The following RBFOX1 variants were observed in gnomAD, a reference collection of about 807,000 sequenced individuals.
RBFOX1 encodes the protein RNA binding protein fox-1 homolog 1.
In RBFOX1, 8 loss-of-function variants were observed where a neutral mutation model predicts 57.7. That is an observed-to-expected ratio of 0.14 (90% confidence interval 0.08 to 0.25). The LOEUF (loss-of-function observed/expected upper bound fraction) is 0.25. Ranked by LOEUF, RBFOX1 falls within the 10% of genes least tolerant of loss-of-function variation. The pLI is 1.00. For missense variants in RBFOX1, 611 were observed against 548.5 expected (o/e 1.11, Z -1.14); for synonymous variants, 326 against 222.4 (o/e 1.47, Z -4.15).
At chr16:6,891,009 G>A (rs2065284091) in intron 3 of RBFOX1, among the ~76,000 whole-genome samples, 1 of 152,142 alleles carries the variant, frequency 6.6e-6, no homozygotes, top group Admixed American at 6.5e-5. Context: ...CTTCAACACT[G>A]TGAACGTTTT....
intron 1 of RBFOX1, among the ~76,000 whole-genome samples, chr16:6,047,767 A>G (rs2095510701): frequency 1.3e-5 from 2 of 152,170 alleles, no homozygotes; most frequent in South Asian, 4.1e-4. Context: ...GACTTGTTTT[A>G]AAGGTTTTTC....
chr16:6,619,178 A>C (rs2098188687), intron 2 of RBFOX1, among the ~76,000 whole-genome samples: 1 of 152,116 alleles, frequency 6.6e-6, no homozygotes, highest in African/African-American at 2.4e-5. Context: ...AGAAAAAAAA[A>C]AACAACTTCT....
chr16:6,675,192 C>T (rs1022306884), intron 3 of RBFOX1, among the ~76,000 whole-genome samples: 1 of 152,202 alleles, frequency 6.6e-6, no homozygotes, highest in African/African-American at 2.4e-5. Context: ...GCATAAGCCA[C>T]TGCGCCCGGC....
intron 4 of RBFOX1, among the ~76,000 whole-genome samples, chr16:6,000,959 G>T (rs1322546990): frequency 6.6e-6 from 1 of 151,742 alleles, no homozygotes; most frequent in Non-Finnish European, 1.5e-5. Context: ...ATGAATGAGT[G>T]GGTAGATGAG....
intron 4 of RBFOX1, among the ~76,000 whole-genome samples, chr16:7,463,927 A>AT (rs1238373412): frequency 6.6e-6 from 1 of 152,184 alleles, no homozygotes; most frequent in Admixed American, 6.5e-5. Context: ...TTACATGTAT[A>AT]TTTTTTAAAA....
chr16:6,683,034 G>T (rs185469207), intron 3 of RBFOX1, among the ~76,000 whole-genome samples: 1 of 152,036 alleles, frequency 6.6e-6, no homozygotes, highest in Non-Finnish European at 1.5e-5. Flanking sequence ...CCATCCATAT[G>T]ACCCTGCTTT....
chr16:6,804,058 G>A (rs2086128406), intron 3 of RBFOX1, among the ~76,000 whole-genome samples: 1 of 151,812 alleles, frequency 6.6e-6, no homozygotes, highest in Non-Finnish European at 1.5e-5. Flanking sequence ...CCTGGCTAGA[G>A]TGCAATGACA....
At chr16:5,855,406 G>T (rs1262766084) in intron 3 of RBFOX1, among the ~76,000 whole-genome samples, 1 of 152,144 alleles carries the variant, frequency 6.6e-6, no homozygotes, top group African/African-American at 2.4e-5. Flanking sequence ...TGTATATAGT[G>T]TGAAATAAGG....
At chr16:5,926,302 T>G (rs543997656) in intron 4 of RBFOX1, among the ~76,000 whole-genome samples, 70 of 152,330 alleles carry the variant, frequency 4.6e-4, no homozygotes, top group African/African-American at 1.6e-3. Flanking sequence ...CTGGAAATCC[T>G]ATGTGTAAAA....
intron 3 of RBFOX1, among the ~76,000 whole-genome samples, chr16:6,727,592 G>T (rs1258852553): frequency 6.6e-6 from 1 of 152,018 alleles, no homozygotes; most frequent in African/African-American, 2.4e-5. Context: ...CTTGAGTGGA[G>T]TTGTGCCGCC....
chr16:6,949,860 G>A (rs1002528999), intron 3 of RBFOX1, among the ~76,000 whole-genome samples: 1 of 151,934 alleles, frequency 6.6e-6, no homozygotes, highest in East Asian at 1.9e-4. Flanking sequence ...GCAATTCCAA[G>A]CCCCTCTGTT....
chr16:7,211,611 G>GGC (rs1251013359), intron 4 of RBFOX1, among the ~76,000 whole-genome samples: 3 of 152,118 alleles, frequency 2.0e-5, no homozygotes, highest in African/African-American at 7.2e-5. Context: ...GAAATCTAGA[G>GGC]GCACACCTAG....
At chr16:7,617,008 A>T (rs550319053) in intron 10 of RBFOX1, among the ~76,000 whole-genome samples, 84 of 152,220 alleles carry the variant, frequency 5.5e-4, no homozygotes, top group African/African-American at 2.0e-3. Context: ...AAAAAAAGTA[A>T]ACTTGCAATT....
intron 1 of RBFOX1, among the ~76,000 whole-genome samples, chr16:5,316,957 A>G (rs1476489749): frequency 2.0e-5 from 3 of 152,080 alleles, no homozygotes; most frequent in Admixed American, 2.0e-4. Context: ...AACTCTTACT[A>G]TGTCTCTTCT....
intron 14 of RBFOX1, among the ~76,000 whole-genome samples, chr16:7,708,738 AC>A (rs2083304324): frequency 1.3e-5 from 2 of 152,156 alleles, no homozygotes; most frequent in African/African-American, 4.8e-5. Flanking sequence ...TTTCTTTCTT[AC>A]CTACCTCAGT....
intron 4 of RBFOX1, among the ~76,000 whole-genome samples, chr16:7,274,931 G>A (rs760652444): frequency 2.6e-5 from 4 of 152,102 alleles, no homozygotes; most frequent in Non-Finnish European, 4.4e-5. Flanking sequence ...TGACCTGCCT[G>A]CCTCGGCCTC....
intron 4 of RBFOX1, among the ~76,000 whole-genome samples, chr16:7,431,871 A>G (rs983658562): frequency 2.6e-5 from 4 of 152,208 alleles, no homozygotes; most frequent in Non-Finnish European, 4.4e-5. Context: ...GCTCCCCATT[A>G]GAAAGACCTT....
chr16:6,824,279 C>T (rs1330776583), intron 3 of RBFOX1, among the ~76,000 whole-genome samples: 4 of 152,142 alleles, frequency 2.6e-5, no homozygotes, highest in African/African-American at 9.7e-5. Context: ...GTGGTTGGTA[C>T]CTGTAATCCC....
intron 2 of RBFOX1, among the ~76,000 whole-genome samples, chr16:6,438,834 A>C (rs1386416873): frequency 1.3e-5 from 2 of 152,186 alleles, no homozygotes; most frequent in Non-Finnish European, 2.9e-5. Context: ...GTGTGTGCTC[A>C]CCACTGTACC....
Sources: allele counts gnomAD v4.1 joint callset (sites outside exome capture counted in the v4.1 genomes callset), GRCh38; gene constraint gnomAD v4.1.1; transcripts MANE v1.5; gene names NCBI Gene and HGNC (gene_info 2026-07-23, HGNC 2026-07-21).